EPS8L1: variants seen among roughly 807,000 people sequenced by gnomAD.
EPS8L1 encodes the protein epidermal growth factor receptor kinase substrate 8-like protein 1.
A neutral mutation model predicts 91.7 loss-of-function variants in EPS8L1; 101 were observed. That is an observed-to-expected ratio of 1.10 (90% CI 0.94 to 1.30). The LOEUF is 1.30. Among genes scored for constraint, EPS8L1 ranks in the 50% most tolerant of loss-of-function variants. The probability of loss-of-function intolerance (pLI) is 0.00; values close to 1 mark genes in which losing one functional copy is unlikely to be tolerated. For synonymous variants in EPS8L1, 506 were observed against 445.3 expected (o/e 1.14, Z -1.72); for missense variants, 1,114 against 1,017.0 (o/e 1.10, Z -1.30).
At chr19:55,085,801 T>G (rs1477685104) in intron 14 of EPS8L1, 40 bp from the exon 15 acceptor site, 1 of 1,593,550 alleles carries the variant, frequency 6.3e-7, no homozygotes, top group Non-Finnish European at 8.6e-7. Context: ...GCAATGGGGC[T>G]GGCTGCCTCC....
rs2147141599 is a variant in EPS8L1 at position 55,081,110 on chromosome 19, G to A, written c.513-121G>A. 1 of 1,263,620 alleles carries A rather than the reference G, an allele frequency of 7.9e-7. No individual in the cohort carries two copies. Among genetic ancestry groups the A allele is most frequent in the Non-Finnish European group, 1.1e-6 (1 of 945,762 alleles). The allele number at this position is 1,263,620 out of a possible 1,614,324, so 78.3% of individuals were successfully genotyped here. A position where few individuals can be genotyped will look rare whatever the true frequency, so the allele number is the denominator to read the frequency against. On this transcript the variant is annotated intron_variant, in intron 7 of 19. Coordinates refer to ENST00000201647, the MANE Select transcript of EPS8L1 (RefSeq NM_133180.3). This position sits in a 1 kb window ranked among gnomAD's most constrained non-coding sequence, Gnocchi z 4.9. ...CGTATATCGGATTTCTCCCTACCTC[G>A]TTGAACTTGTTCACTCCCTTTGAGC... is the stretch of plus-strand genomic sequence containing the variant.
chr19:55,082,544 G>T lies in EPS8L1; in HGVS notation c.1156G>T (p.Val386Phe). 4.4e-6 allele frequency: 7 copies of T among 1,606,068 alleles called. No homozygotes were observed. Among genetic ancestry groups the T allele is most frequent in the Non-Finnish European group, 5.9e-6 (7 of 1,176,952 alleles). Residue 386 changes from valine (V) to phenylalanine (F), a missense_variant, in exon 12 of 20, where the codon GTC (valine) becomes TTC (phenylalanine). By Grantham distance (50) the Val-to-Phe change is conservative. Coordinates refer to ENST00000201647, the MANE Select transcript of EPS8L1 (RefSeq NM_133180.3). The part of the protein sequence containing the change: ...SDAVALLRDN[V>F]TPRENELWTS... ...TGCCGTGGCGCTGCTGCGGGACAAC[G>T]TCACTCCACGTGAAAACGAGCTCTG...
chr19:55,085,015 A>C (rs1302487685), intron 14 of EPS8L1, among the ~76,000 whole-genome samples: 1 of 152,078 alleles, frequency 6.6e-6, no homozygotes, highest in Non-Finnish European at 1.5e-5. Context: ...CTCCTCTGTG[A>C]AAATGGAGGA....
In EPS8L1 at chr19:55,075,899, G is replaced by C. The variant is rs1484153722; in HGVS notation, c.-58G>C. On this transcript the variant is annotated 5_prime_UTR_variant, in exon 1 of 20. Transcript: ENST00000201647. ...GGAAGGGAAAGGACAGCGGAGAGCA[G>C]GGCAGAGCCTGAGCAGGCAGGTAAG... is the stretch of plus-strand genomic sequence containing the variant. 6.4e-6 allele frequency: 1 copy of C among 156,150 alleles called. No individual in the cohort carries two copies. The highest frequency in any genetic ancestry group is 2.4e-5 in the African/African-American group (1 of 41,522). 9.7% of individuals were successfully genotyped at this position (156,150 alleles called of 1,614,324 possible). A position where few individuals can be genotyped will look rare whatever the true frequency, so the allele number is the denominator to read the frequency against.
Position 55,081,853 on chromosome 19 carries a change from G to A in EPS8L1, c.855G>A (p.Leu285=), listed in dbSNP as rs778746799. 1.2e-6 allele frequency: 2 copies of A among 1,611,166 alleles called. No homozygotes were observed. Among genetic ancestry groups the A allele is most frequent in the Non-Finnish European group, 8.5e-7 (1 of 1,178,562 alleles). Residue 285 remains leucine (L), a synonymous_variant, in exon 9 of 20, where the codon CTG becomes CTA. Transcript: ENST00000201647. This position sits in a 1 kb window ranked among gnomAD's most constrained non-coding sequence, Gnocchi z 4.9. ...AGTCGGCGGAGGCGGCCAGGGTGCT[G>A]GAGCACCGGGAACGCGGCCGCAGGA... ...LQKSAEAARV[L]EHRERGRRSR...
In EPS8L1 at chr19:55,082,470, G is replaced by A; in HGVS notation, c.1082G>A (p.Gly361Glu). 2 of 1,612,588 alleles carry A rather than the reference G, an allele frequency of 1.2e-6. No individual in the cohort carries two copies. Among genetic ancestry groups the A allele is most frequent in the Middle Eastern group, 1.7e-4 (1 of 6,060 alleles). The change falls in exon 12 of 20, where the codon GGG becomes GAG. Residue 361 changes from glycine (G) to glutamate (E), a missense_variant. Coordinates refer to ENST00000201647, the MANE Select transcript of EPS8L1 (RefSeq NM_133180.3). ...GPLQMIVNTSGGPEFASSVRR... is the reference protein window; with the variant it reads ...GPLQMIVNTSEGPEFASSVRR... ...CCCTGACAGATTGTGAACACGTCGG[G>A]GGGGCCGGAGTTCGCGAGCAGTGTG...
rs2076328464 is a variant in EPS8L1, at chr19:55,083,961, A to C, written c.1385+317A>C. The C allele has an allele frequency of 5.1e-6, 3 of 587,164 alleles. No individual in the cohort carries two copies. Among genetic ancestry groups the C allele is most frequent in the Non-Finnish European group, 6.1e-6 (2 of 329,460 alleles). The allele number at this position is 587,164 out of a possible 1,614,324, so 36.4% of individuals were successfully genotyped here. On this transcript the variant is annotated intron_variant, in intron 14 of 19. Coordinates refer to ENST00000201647, the MANE Select transcript of EPS8L1 (RefSeq NM_133180.3). This position sits in a 1 kb window ranked among gnomAD's most constrained non-coding sequence, Gnocchi z 4.7. Reference sequence around the variant, plus strand: ...CCCTGGATCCCCAAAAGGCTGGAAGAAGCCAGTTTGTTTTCCCAGGGCCTG... The same window carrying C: ...CCCTGGATCCCCAAAAGGCTGGAAGCAGCCAGTTTGTTTTCCCAGGGCCTG...
In EPS8L1 at chr19:55,087,290, TG is replaced by T; in HGVS notation, c.1953-12del. 1 of 1,593,346 alleles carries T rather than the reference TG, an allele frequency of 6.3e-7. No homozygotes were observed. ...CCGACCGGCCTGACCGCGCCCGGGC[TG>T]CCCTCGCTCAGGACCGTGGACGCGC... On this transcript the variant is annotated splice_polypyrimidine_tract_variant and intron_variant, in intron 18 of 19. Transcript: ENST00000201647.
intron 3 of EPS8L1, 114 bp from the exon 4 acceptor site, chr19:55,078,885 G>GGGGGCTGGACTCCTAGGTTTGAGGGAGGA: frequency 1.1e-6 from 1 of 930,754 alleles, no homozygotes; most frequent in Non-Finnish European, 1.7e-6. Context: ...AGAGGGGCTG[G>GGGGGCTGGACTCCTAGGTTTGAGGGAGGA]GGGGCTGGAC....
intron 18 of EPS8L1, 130 bp downstream of exon 18, chr19:55,087,018 G>A: frequency 8.0e-7 from 1 of 1,256,386 alleles, no homozygotes; most frequent in Non-Finnish European, 1.1e-6. Flanking sequence ...CGAAGTGAGG[G>A]TCTGTCTGGT....
chr19:55,076,356 A>G (rs2076134961), intron 1 of EPS8L1, 52 bp from the exon 2 acceptor site: 2 of 1,515,650 alleles, frequency 1.3e-6, no homozygotes, highest in Non-Finnish European at 1.8e-6. Flanking sequence ...AGGCTGGGGT[A>G]GGAATTAGAG....
At chr19:55,082,716 AGGCGT>A (rs2076296846) in intron 12 of EPS8L1, 114 bp downstream of exon 12, 2 of 1,011,044 alleles carry the variant, frequency 2.0e-6, no homozygotes, top group Admixed American at 2.8e-5. Context: ...GAGGGGTTAG[AGGCGT>A]GGCTTAGTTG....
At chr19:55,080,974 C>T in intron 7 of EPS8L1, 120 bp downstream of exon 7, 3 of 1,014,482 alleles carry the variant, frequency 3.0e-6, no homozygotes, top group Non-Finnish European at 4.3e-6. Flanking sequence ...ACACCCTAGT[C>T]GAGTCTTGTC....
intron 2 of EPS8L1, among the ~76,000 whole-genome samples, chr19:55,076,712 C>G: frequency 6.6e-6 from 1 of 152,226 alleles, no homozygotes; most frequent in African/African-American, 2.4e-5. Context: ...TAACCCTGGT[C>G]AGAGGACATC....
At chr19:55,078,049 C>A in intron 2 of EPS8L1, 39 bp from the exon 3 acceptor site, 1 of 1,609,720 alleles carries the variant, frequency 6.2e-7, no homozygotes, top group Non-Finnish European at 8.5e-7. Flanking sequence ...GATCTGCCCC[C>A]AGTCCCACAG....
At position 55,081,910 on chromosome 19, in the gene EPS8L1, C is replaced by T. The variant is rs1245248620; in HGVS notation, c.901+11C>T. On this transcript the variant is annotated intron_variant, in intron 9 of 19. Coordinates refer to ENST00000201647, the MANE Select transcript of EPS8L1 (RefSeq NM_133180.3). This position sits in a 1 kb window ranked among gnomAD's most constrained non-coding sequence, Gnocchi z 4.9. ...GCCGGGCGGCTGGGGGTAAGGGGCACCCTGGCGTGGGATCTGAACCCCCTC... is the reference window on the plus strand; with the variant it reads ...GCCGGGCGGCTGGGGGTAAGGGGCATCCTGGCGTGGGATCTGAACCCCCTC... 1 of 1,604,264 alleles carries T rather than the reference C, an allele frequency of 6.2e-7. No individual in the cohort carries two copies. Among genetic ancestry groups the T allele is most frequent in the South Asian group, 1.1e-5 (1 of 90,512 alleles).
At position 55,083,450 on chromosome 19, in the gene EPS8L1, T is replaced by TG; in HGVS notation, c.1288dup (p.Asp430GlyfsTer12). 1 of 1,612,698 alleles carries TG rather than the reference T, an allele frequency of 6.2e-7. No homozygotes were observed. The highest frequency in any genetic ancestry group is 1.3e-5 in the African/African-American group (1 of 75,046). Reference sequence around the variant, plus strand: ...TCAGCGGCTGGGAGCCGCCGGTCACTGACCCGCAGAGCCGCGCCTGGGAGG... The same window carrying TG: ...TCAGCGGCTGGGAGCCGCCGGTCACTGGACCCGCAGAGCCGCGCCTGGGAGG... On this transcript the variant is annotated frameshift_variant, in exon 13 of 20. Coordinates refer to ENST00000201647, the MANE Select transcript of EPS8L1 (RefSeq NM_133180.3). LOFTEE classifies it high-confidence loss of function. This position sits in a 1 kb window ranked among gnomAD's most constrained non-coding sequence, Gnocchi z 4.7.
In EPS8L1 at chr19:55,083,587, G is replaced by A. The variant is rs1450044750; in HGVS notation, c.1357-29G>A. The A allele has an allele frequency of 8.2e-6, 13 of 1,594,940 alleles. No individual in the cohort carries two copies. Among genetic ancestry groups the A allele is most frequent in the Admixed American group, 1.8e-5 (1 of 56,814 alleles). On this transcript the variant is annotated intron_variant, in intron 13 of 19. Transcript: ENST00000201647. The surrounding 1 kb of genome is among the most constrained non-coding windows in gnomAD (Gnocchi z 4.7). Reference sequence around the variant, plus strand: ...GGGCGCGGCCGGTCCGCCTGGCCCCGCCTGACCCGACTGTCTTACTTCCTA... The same window carrying A: ...GGGCGCGGCCGGTCCGCCTGGCCCCACCTGACCCGACTGTCTTACTTCCTA...
chr19:55,077,323 C>T (rs2076150781), intron 2 of EPS8L1, among the ~76,000 whole-genome samples: 1 of 152,088 alleles, frequency 6.6e-6, no homozygotes, highest in Non-Finnish European at 1.5e-5. Context: ...GTGTGCTAAG[C>T]CCTGGCAGCA....
Sources: gnomAD v4.1 joint callset for allele counts (sites outside exome capture counted in the v4.1 genomes callset) on GRCh38, gnomAD v4.1.1 for gene constraint, Gnocchi (gnomAD v3.1) non-coding constraint, MANE v1.5 for transcripts, NCBI Gene and HGNC (gene_info 2026-07-23, HGNC 2026-07-21) for gene names.